The following ARHGAP39 variants were observed in gnomAD, a reference collection of about 807,000 sequenced individuals.
ARHGAP39 encodes Rho GTPase activating protein 39.
In ARHGAP39, 44 loss-of-function variants were observed where a neutral mutation model predicts 106.9. The observed-to-expected ratio is 0.41, with a 90% CI of 0.32 to 0.53. The LOEUF (loss-of-function observed/expected upper bound fraction) is 0.53. Among genes scored for constraint, ARHGAP39 ranks in the 20% least tolerant of loss-of-function variants. ARHGAP39 has a pLI of 0.21. For missense variants in ARHGAP39, 1,496 were observed against 1,577.3 expected (o/e 0.95, Z 0.87); for synonymous variants, 768 against 693.2 (o/e 1.11, Z -1.69).
intron 1 of ARHGAP39, among the ~76,000 whole-genome samples, chr8:144,656,464 A>G (rs9772455): frequency 0.036 from 5,513 of 151,820 alleles, 355 homozygotes; most frequent in African/African-American, 0.13. Context: ...AAACACATGG[A>G]AAAAAAAAGT....
chr8:144,530,754 G>C lies in ARHGAP39; in HGVS notation c.3098C>G (p.Ala1033Gly). Residue 1033 changes from alanine to glycine, a missense_variant, in exon 11 of 12, where the codon GCG becomes GGG. Ala to Gly is a moderately conservative substitution (Grantham distance 60, BLOSUM62 0). Around this residue, in one of 4 missense-constraint regions of ARHGAP39, gnomAD observed 470 missense variants for 605.1 expected, o/e 0.78. Coordinates refer to ENST00000377307, the MANE Select transcript of ARHGAP39 (RefSeq NM_025251.3). ...CACCATGCGGTTGATGCGGGGCAGC[G>C]CGTGCACCACGGCCACCGCCGCCTC... ...SPEAAVAVVH[A>G]LPRINRMVLC... 4 of 1,610,512 alleles carry C rather than the reference G, an allele frequency of 2.5e-6. No homozygotes were observed. Among genetic ancestry groups the C allele is most frequent in the South Asian group, 2.2e-5 (2 of 90,756 alleles).
chr8:144,652,735 C>G (rs543920404), intron 1 of ARHGAP39, among the ~76,000 whole-genome samples: 1 of 151,624 alleles, frequency 6.6e-6, no homozygotes, highest in East Asian at 1.9e-4. Flanking sequence ...CAAAGGAAAC[C>G]AGCGGACACT....
intron 7 of ARHGAP39, among the ~76,000 whole-genome samples, chr8:144,536,339 C>T (rs1382668891): frequency 6.6e-6 from 1 of 152,132 alleles, no homozygotes; most frequent in East Asian, 1.9e-4. Context: ...TCCCAGGCCA[C>T]CAGGTGTGGC....
chr8:144,647,598 G>A lies in ARHGAP39; in HGVS notation c.-82+38088C>T, dbSNP rs1821478474. Among the ~76,000 whole-genome samples, 1 of 152,182 alleles carries A rather than the reference G, an allele frequency of 6.6e-6. No individual in the cohort carries two copies. Among genetic ancestry groups the A allele is most frequent in the African/African-American group, 2.4e-5 (1 of 41,450 alleles). On this transcript the variant is annotated intron_variant, in intron 1 of 11. Coordinates refer to ENST00000377307, the MANE Select transcript of ARHGAP39 (RefSeq NM_025251.3). This position sits in a 1 kb window ranked among gnomAD's most constrained non-coding sequence, Gnocchi z 4.8. Reference sequence around the variant, plus strand: ...TTCCTGAGGAAATGAAAACAAAACAGCAATGAAAACGACTTTACACCAGAT... The same window carrying A: ...TTCCTGAGGAAATGAAAACAAAACAACAATGAAAACGACTTTACACCAGAT...
chr8:144,594,063 T>C (rs1317706471), intron 2 of ARHGAP39, among the ~76,000 whole-genome samples: 3 of 128,642 alleles, frequency 2.3e-5, no homozygotes, highest in Non-Finnish European at 4.6e-5. Flanking sequence ...CACTCCAGCG[T>C]GGGCGACAAA....
At chr8:144,596,189 C>T (rs1017340905) in intron 2 of ARHGAP39, among the ~76,000 whole-genome samples, 4 of 151,390 alleles carry the variant, frequency 2.6e-5, no homozygotes, top group Non-Finnish European at 4.4e-5. Context: ...TGTCCACCAC[C>T]CCTCAGTGGG....
chr8:144,575,953 T>C (rs946534769), intron 3 of ARHGAP39, among the ~76,000 whole-genome samples: 3 of 152,138 alleles, frequency 2.0e-5, no homozygotes, highest in African/African-American at 7.2e-5. Flanking sequence ...GTGCTGCTGA[T>C]GGAAATGTTA....
rs1011672969 is a variant in ARHGAP39 at position 144,615,766 on chromosome 8, G to A, written c.-81-10071C>T. ...ACCCAGTCTCATGCTCTGAAAGCTC[G>A]GCTGTGAGCTGGAGACACAAGGCCC... On this transcript the variant is annotated intron_variant, in intron 1 of 11. Coordinates refer to ENST00000377307, the MANE Select transcript of ARHGAP39 (RefSeq NM_025251.3). 2.0e-5 allele frequency among the ~76,000 whole-genome samples: 3 copies of A among 152,316 alleles called. No homozygotes were observed. In the East Asian group the frequency reaches 5.8e-4, roughly 29 times the overall value.
In ARHGAP39 at chr8:144,547,199, C is replaced by G; in HGVS notation, c.1887G>C (p.Gln629His). The change falls in exon 5 of 12, where the codon CAG becomes CAC. Residue 629 changes from glutamine to histidine, a missense_variant. By Grantham distance (24) the Gln-to-His change is conservative (BLOSUM62 0). Transcript: ENST00000377307. This position sits in a 1 kb window ranked among gnomAD's most constrained non-coding sequence, Gnocchi z 5.2. The part of the protein sequence containing the change: ...RGTFEKLGFP[Q>H]ILLEKSVSVQ... ...CGGAGACGCTCTTCTCCAGCAGGAT[C>G]TGGGGGAAGCCTAGCTTCTCGAAGG... 1.9e-6 allele frequency: 3 copies of G among 1,612,450 alleles called. No homozygotes were observed. Among genetic ancestry groups the G allele is most frequent in the Non-Finnish European group, 2.5e-6 (3 of 1,179,722 alleles).
chr8:144,587,456 A>T (rs1210161089), intron 2 of ARHGAP39, among the ~76,000 whole-genome samples: 3 of 152,210 alleles, frequency 2.0e-5, no homozygotes, highest in Admixed American at 2.0e-4. Flanking sequence ...AAAATCTAAA[A>T]TGTCAAAATA....
intron 1 of ARHGAP39, chr8:144,605,940 A>C: frequency 4.1e-5 from 15 of 362,068 alleles, no homozygotes; most frequent in East Asian, 5.7e-5. Context: ...GATCCCCCCC[A>C]TGCCAGTCTG....
At chr8:144,590,324 G>A (rs1225505132) in intron 2 of ARHGAP39, among the ~76,000 whole-genome samples, 2 of 152,236 alleles carry the variant, frequency 1.3e-5, no homozygotes, top group Admixed American at 6.5e-5. Context: ...CAAACCTCAC[G>A]TTGAGATGTG....
At chr8:144,576,854 G>A (rs540587833) in intron 3 of ARHGAP39, among the ~76,000 whole-genome samples, 1 of 152,202 alleles carries the variant, frequency 6.6e-6, no homozygotes, top group African/African-American at 2.4e-5. Context: ...ATCTGGCTTC[G>A]ACTTGTGCAA....
chr8:144,566,021 G>A (rs929249201), intron 3 of ARHGAP39, among the ~76,000 whole-genome samples: 2 of 151,946 alleles, frequency 1.3e-5, no homozygotes, highest in Admixed American at 6.6e-5. Context: ...TTGAGCCCAG[G>A]AGGTTGACGC....
intron 2 of ARHGAP39, among the ~76,000 whole-genome samples, chr8:144,600,744 C>T (rs374485740): frequency 1.3e-4 from 19 of 145,462 alleles, no homozygotes; most frequent in African/African-American, 3.3e-4. Flanking sequence ...TCAAGGCGTG[C>T]GTGCGCACTT....
intron 2 of ARHGAP39, among the ~76,000 whole-genome samples, chr8:144,581,824 C>G (rs1380315391): frequency 6.6e-6 from 1 of 152,134 alleles, no homozygotes; most frequent in African/African-American, 2.4e-5. Context: ...GGGGCAGAGT[C>G]TCCACCCGGC....
Position 144,534,238 on chromosome 8 carries a change from G to T in ARHGAP39, c.2615-36C>A, listed in dbSNP as rs778729119. The T allele has an allele frequency of 8.1e-6, 13 of 1,607,408 alleles. No individual in the cohort carries two copies. In the African/African-American group the frequency reaches 1.7e-4, roughly 20 times the overall value. On this transcript the variant is annotated intron_variant, in intron 7 of 11. Transcript: ENST00000377307. Reference sequence around the variant, plus strand: ...AAGGGGCCTGATCAGCCTGATGTGGGTGTGTGGGTGTGGGGCCAGGAGAGG... The same window carrying T: ...AAGGGGCCTGATCAGCCTGATGTGGTTGTGTGGGTGTGGGGCCAGGAGAGG...
intron 1 of ARHGAP39, among the ~76,000 whole-genome samples, chr8:144,681,467 A>C (rs1276196333): frequency 6.6e-6 from 1 of 152,212 alleles, no homozygotes; most frequent in Non-Finnish European, 1.5e-5. Flanking sequence ...TCTATGACGC[A>C]GGACCTTGAG....
At position 144,646,209 on chromosome 8, in the gene ARHGAP39, C is replaced by G. The variant is rs551056501; in HGVS notation, c.-82+39477G>C. Among the ~76,000 whole-genome samples the G allele has an allele frequency of 1.3e-5, 2 of 152,312 alleles. No individual in the cohort carries two copies. On this transcript the variant is annotated intron_variant, in intron 1 of 11. Transcript: ENST00000377307. The surrounding 1 kb of genome is among the most constrained non-coding windows in gnomAD (Gnocchi z 5.7). ...GATGTGGATGTTCTCTCTGTGCAGA[C>G]AGGGCAACAACCGCAAACGTGTTCA...
Sources: allele counts gnomAD v4.1 joint callset (sites outside exome capture counted in the v4.1 genomes callset), GRCh38; gene constraint gnomAD v4.1.1; regional missense constraint gnomAD v4.1.1; non-coding constraint Gnocchi (gnomAD v3.1); transcripts MANE v1.5; gene names NCBI Gene and HGNC (gene_info 2026-07-23, HGNC 2026-07-21).